Variants in FOXK2 observed in about 807,000 individuals in gnomAD.
The protein encoded by FOXK2 is forkhead box protein K2.
A neutral mutation model predicts 53.3 loss-of-function variants in FOXK2; 24 were observed. The ratio of observed to expected loss-of-function variants is 0.45; its 90% confidence interval spans 0.33 to 0.63. The LOEUF (loss-of-function observed/expected upper bound fraction) is 0.63. Among genes scored for constraint, FOXK2 ranks in the 30% least tolerant of loss-of-function variants. The pLI is 0.03. For missense variants in FOXK2, 952 were observed against 910.5 expected (o/e 1.05, Z -0.59); for synonymous variants, 505 against 407.1 (o/e 1.24, Z -2.89).
intron 1 of FOXK2, among the ~76,000 whole-genome samples, chr17:82,527,903 C>T (rs539736101): frequency 2.6e-5 from 4 of 152,256 alleles, no homozygotes; most frequent in East Asian, 3.9e-4. Flanking sequence ...TGGACTCAAG[C>T]GATCTTCCCA....
At chr17:82,573,536 ACTCTCTCT>A (rs373747209) in intron 4 of FOXK2, among the ~76,000 whole-genome samples, 174 of 138,914 alleles carry the variant, frequency 1.3e-3, no homozygotes, top group African/African-American at 4.1e-3. Context: ...ACACACACAC[ACTCTCTCT>A]CTCTCTCTCT....
At chr17:82,563,085 G>A (rs1369022434) in intron 1 of FOXK2, among the ~76,000 whole-genome samples, 1 of 152,184 alleles carries the variant, frequency 6.6e-6, no homozygotes, top group Non-Finnish European at 1.5e-5. Context: ...GGGATTACAA[G>A]CATGAGCTAC....
In FOXK2 at chr17:82,586,026, G is replaced by A. The variant is rs753468371; in HGVS notation, c.1402G>A (p.Val468Met). The change falls in exon 7 of 9, where the codon GTG becomes ATG. Residue 468 changes from valine (V) to methionine (M), a missense_variant. Physicochemically the swap from Val to Met is conservative, Grantham distance 21. Coordinates refer to ENST00000335255, the MANE Select transcript of FOXK2 (RefSeq NM_004514.4). ...VTTSTSQPPV[V>M]QTVHVVHQIP... is the part of the protein sequence containing the mutation. ...CACCTCGACCTCCCAGCCACCCGTC[G>A]TGCAGACGGTTCACGTCGTCCACCA... The A allele has an allele frequency of 5.0e-6, 8 of 1,612,684 alleles. No homozygotes were observed. Among genetic ancestry groups the A allele is most frequent in the East Asian group, 2.2e-5 (1 of 44,888 alleles).
intron 8 of FOXK2, among the ~76,000 whole-genome samples, chr17:82,588,886 T>TAA (rs71369024): frequency 0.17 from 20,411 of 121,730 alleles, 1,724 homozygotes; most frequent in Middle Eastern, 0.22. Context: ...CCATTTCTAC[T>TAA]AAAAAAAAAA....
chr17:82,581,582 T>C (rs1177603150), intron 4 of FOXK2, among the ~76,000 whole-genome samples: 1 of 151,638 alleles, frequency 6.6e-6, no homozygotes, highest in Non-Finnish European at 1.5e-5. Context: ...TTCACACCAT[T>C]CTCCCGCCTC....
chr17:82,571,574 C>T, intron 3 of FOXK2, 150 bp from the exon 4 acceptor site: 1 of 800,016 alleles, frequency 1.2e-6, no homozygotes, highest in Non-Finnish European at 1.8e-6. Context: ...GTACTCCAGC[C>T]TGGGCGACAC....
chr17:82,587,317 G>C (rs2045196172), intron 8 of FOXK2, 45 bp downstream of exon 8: 2 of 1,438,392 alleles, frequency 1.4e-6, no homozygotes, highest in African/African-American at 2.8e-5. Context: ...TGGGTACTGG[G>C]AGCAGAGCCC....
intron 1 of FOXK2, among the ~76,000 whole-genome samples, chr17:82,551,896 A>G (rs1411871753): frequency 6.6e-6 from 1 of 152,068 alleles, no homozygotes; most frequent in Non-Finnish European, 1.5e-5. Context: ...AGGGGAGCCC[A>G]TTCCTGGGCC....
chr17:82,567,837 A>G (rs770493104), intron 2 of FOXK2, among the ~76,000 whole-genome samples: 2 of 150,124 alleles, frequency 1.3e-5, no homozygotes, highest in African/African-American at 2.5e-5. Flanking sequence ...CAAATACCCT[A>G]TTTCCACATT....
chr17:82,555,757 G>A lies in FOXK2; in HGVS notation c.420-7597G>A, dbSNP rs7212387. ...AAAAAAAAAAAATTGGCGTGGGGGC[G>A]GGCGCCTGTAGTCCCAGCTACTCGG... On this transcript the variant is annotated intron_variant, in intron 1 of 8. Transcript: ENST00000335255. 3.9e-3 allele frequency among the ~76,000 whole-genome samples: 582 copies of A among 150,844 alleles called. 6 individuals carry two copies. The highest frequency in any genetic ancestry group is 0.013 in the African/African-American group (532 of 41,186).
intron 3 of FOXK2, 152 bp from the exon 4 acceptor site, chr17:82,571,572 G>A: frequency 5.0e-6 from 4 of 794,608 alleles, no homozygotes; most frequent in Non-Finnish European, 7.2e-6. Flanking sequence ...CTGTACTCCA[G>A]CCTGGGCGAC....
At chr17:82,586,757 T>C (rs560906068) in intron 7 of FOXK2, among the ~76,000 whole-genome samples, 5 of 152,056 alleles carry the variant, frequency 3.3e-5, no homozygotes, top group East Asian at 3.9e-4. Context: ...CAAAATCAGC[T>C]GGGCATGGTG....
intron 1 of FOXK2, among the ~76,000 whole-genome samples, chr17:82,539,634 C>T (rs908292703): frequency 4.1e-5 from 6 of 144,906 alleles, no homozygotes; most frequent in Admixed American, 3.5e-4. Flanking sequence ...GGGTAACACT[C>T]GAGACCTTGT....
chr17:82,537,386 G>A (rs1296559237), intron 1 of FOXK2, among the ~76,000 whole-genome samples: 4 of 151,948 alleles, frequency 2.6e-5, no homozygotes, highest in African/African-American at 7.3e-5. Context: ...GGTGGCTCAC[G>A]CCTGAAATCC....
chr17:82,529,382 C>T (rs1055940067), intron 1 of FOXK2, among the ~76,000 whole-genome samples: 4 of 148,932 alleles, frequency 2.7e-5, no homozygotes, highest in African/African-American at 7.4e-5. Flanking sequence ...GCCACCACGC[C>T]GGCTAATTTT....
At chr17:82,585,052 G>A (rs2045117051) in intron 6 of FOXK2, among the ~76,000 whole-genome samples, 2 of 152,238 alleles carry the variant, frequency 1.3e-5, no homozygotes, top group African/African-American at 4.8e-5. Context: ...GCCCTCCCCT[G>A]CCCACTGGCG....
chr17:82,525,930 C>G (rs1395774926), intron 1 of FOXK2, among the ~76,000 whole-genome samples: 2 of 151,300 alleles, frequency 1.3e-5, no homozygotes, highest in Non-Finnish European at 3.0e-5. Context: ...CACTTTCTTT[C>G]TTACGTGGCA....
chr17:82,582,574 T>C (rs1342183226), intron 4 of FOXK2, among the ~76,000 whole-genome samples, 167 bp from the exon 5 acceptor site: 1 of 152,234 alleles, frequency 6.6e-6, no homozygotes, highest in Non-Finnish European at 1.5e-5. Flanking sequence ...AATCTTGTTA[T>C]GTTGTCAGCA....
intron 4 of FOXK2, among the ~76,000 whole-genome samples, chr17:82,575,324 A>G (rs1598221155): frequency 6.6e-6 from 1 of 152,194 alleles, no homozygotes; most frequent in South Asian, 2.1e-4. Context: ...ACGCAAACAC[A>G]CTAACATGCT....
Sources: allele counts gnomAD v4.1 joint callset (sites outside exome capture counted in the v4.1 genomes callset), GRCh38; gene constraint gnomAD v4.1.1; transcripts MANE v1.5; gene names NCBI Gene and HGNC (gene_info 2026-07-23, HGNC 2026-07-21).